ITPR1: variants seen among roughly 807,000 people sequenced by gnomAD.
ITPR1 encodes inositol 1,4,5-trisphosphate-gated calcium channel ITPR1.
In ITPR1, 96 loss-of-function variants were observed where a neutral mutation model predicts 318.4. The ratio of observed to expected loss-of-function variants is 0.30; its 90% CI spans 0.26 to 0.36. The LOEUF (loss-of-function observed/expected upper bound fraction) is 0.36, where lower values mean the gene tolerates loss of function less well. Ranked by LOEUF, ITPR1 falls within the 10% of genes least tolerant of loss-of-function variation. The probability of loss-of-function intolerance (pLI) is 1.00; values close to 1 mark genes in which losing one functional copy is unlikely to be tolerated. For synonymous variants in ITPR1, 1,312 were observed against 1,289.9 expected (o/e 1.02, Z -0.37); for missense variants, 2,440 against 3,460.2 (o/e 0.71, Z 7.40).
intron 60 of ITPR1, among the ~76,000 whole-genome samples, chr3:4,822,054 T>G (rs556111172): frequency 1.5e-4 from 23 of 152,312 alleles, no homozygotes; most frequent in Middle Eastern, 3.4e-3. Flanking sequence ...GGTGAGAGTT[T>G]CCGCTCTGTG....
At chr3:4,581,594 C>T (rs2089346924) in intron 4 of ITPR1, among the ~76,000 whole-genome samples, 1 of 152,192 alleles carries the variant, frequency 6.6e-6, no homozygotes, top group African/African-American at 2.4e-5. Context: ...TTATATGAAG[C>T]AAACATCTAT....
At chr3:4,572,735 A>C (rs1383657216) in intron 4 of ITPR1, among the ~76,000 whole-genome samples, 1 of 152,326 alleles carries the variant, frequency 6.6e-6, no homozygotes, top group South Asian at 2.1e-4. Flanking sequence ...TTAAACAGTA[A>C]GTCCCCTTTT....
At chr3:4,701,102 A>G (rs1479387145) in intron 35 of ITPR1, among the ~76,000 whole-genome samples, 2 of 152,200 alleles carry the variant, frequency 1.3e-5, no homozygotes, top group Non-Finnish European at 2.9e-5. Flanking sequence ...GATGGTTAGC[A>G]GGTGGCTACT....
chr3:4,692,044 C>T lies in ITPR1; in HGVS notation c.4029+700C>T, dbSNP rs534088414. Among the ~76,000 whole-genome samples, 3 of 151,670 alleles carry T rather than the reference C, an allele frequency of 2.0e-5. No homozygotes were observed. The South Asian group carries it at 6.2e-4, about 31-fold the overall frequency. On this transcript the variant is annotated intron_variant, in intron 32 of 61. Transcript: ENST00000649015. ...TGGCATGTGCCCATAATCCCAGTTACAGAGGAAGATCCCTTGAGCCCAGGA... is the reference window on the plus strand; with the variant it reads ...TGGCATGTGCCCATAATCCCAGTTATAGAGGAAGATCCCTTGAGCCCAGGA...
intron 52 of ITPR1, among the ~76,000 whole-genome samples, chr3:4,794,239 TTTG>T (rs1482132653): frequency 6.6e-6 from 1 of 152,136 alleles, no homozygotes; most frequent in Non-Finnish European, 1.5e-5. Context: ...TAACCAAGTG[TTTG>T]TTGTTCTAAG....
chr3:4,834,476 C>T (rs536906745), intron 60 of ITPR1, among the ~76,000 whole-genome samples: 45 of 152,278 alleles, frequency 3.0e-4, no homozygotes, highest in African/African-American at 1.0e-3. Context: ...TAAGTGATCT[C>T]TCTGCAGCTG....
In ITPR1 at chr3:4,795,034, G is replaced by C. The variant is rs768251438; in HGVS notation, c.6809-31G>C. 1.9e-6 allele frequency: 3 copies of C among 1,575,910 alleles called. No individual in the cohort carries two copies. In the South Asian group the frequency reaches 3.5e-5, roughly 18 times the overall value. ...CTGGCGTTCCGGCTTGGGGTCTCCA[G>C]CCTCACGCGGCTTTGCCTTTGTCTC... On this transcript the variant is annotated intron_variant, in intron 52 of 61. Transcript: ENST00000649015.
intron 17 of ITPR1, 37 bp from the exon 18 acceptor site, chr3:4,667,340 T>C: frequency 6.6e-7 from 1 of 1,513,172 alleles, no homozygotes; most frequent in Non-Finnish European, 9.0e-7. Context: ...TTGTCATTTA[T>C]CCTTCCTACT....
intron 46 of ITPR1, 38 bp downstream of exon 46, chr3:4,768,802 GA>G: frequency 1.3e-6 from 2 of 1,579,682 alleles, no homozygotes; most frequent in Non-Finnish European, 1.7e-6. Context: ...GGGAGCTCGG[GA>G]AAGGCTGCCA....
At chr3:4,775,126 T>C (rs1193622125) in intron 46 of ITPR1, 116 bp from the exon 47 acceptor site, 1 of 783,604 alleles carries the variant, frequency 1.3e-6, no homozygotes, top group East Asian at 2.4e-5. Flanking sequence ...CTCTCCCACG[T>C]GGCATCTCTC....
intron 39 of ITPR1, among the ~76,000 whole-genome samples, chr3:4,715,074 C>G (rs891871412): frequency 1.3e-5 from 2 of 152,226 alleles, no homozygotes; most frequent in African/African-American, 4.8e-5. Flanking sequence ...TTGTCATTAA[C>G]TATTTTATAC....
At chr3:4,800,299 G>T (rs2048144591) in intron 53 of ITPR1, 126 bp from the exon 54 acceptor site, 1 of 839,758 alleles carries the variant, frequency 1.2e-6, no homozygotes, top group African/African-American at 1.7e-5. Context: ...GAGAATTTGA[G>T]GTGAGAGTTG....
intron 12 of ITPR1, among the ~76,000 whole-genome samples, chr3:4,655,143 C>T (rs988221810): frequency 9.9e-5 from 15 of 152,146 alleles, no homozygotes; most frequent in East Asian, 1.9e-4. Context: ...CTGGGAGGGA[C>T]GTCATGTTTC....
intron 44 of ITPR1, among the ~76,000 whole-genome samples, chr3:4,738,217 A>T (rs2043421067): frequency 6.6e-6 from 1 of 152,240 alleles, no homozygotes; most frequent in Non-Finnish European, 1.5e-5. Flanking sequence ...ATAAAAGTTT[A>T]AAAAAGAAAA....
chr3:4,774,709 TTCCTTTAA>T (rs1316784443), intron 46 of ITPR1, among the ~76,000 whole-genome samples: 3 of 152,226 alleles, frequency 2.0e-5, no homozygotes, highest in Non-Finnish European at 2.9e-5. Flanking sequence ...CTGTCACTCC[TTCCTTTAA>T]TCGTGGAAAT....
intron 40 of ITPR1, among the ~76,000 whole-genome samples, chr3:4,721,894 A>G (rs1292387235): frequency 6.6e-6 from 1 of 152,232 alleles, no homozygotes; most frequent in Non-Finnish European, 1.5e-5. Flanking sequence ...CACCAGAAAT[A>G]GTCACCTTAG....
chr3:4,636,707 G>A (rs1049738475), intron 5 of ITPR1, among the ~76,000 whole-genome samples: 1 of 152,244 alleles, frequency 6.6e-6, no homozygotes, highest in African/African-American at 2.4e-5. Context: ...GGGATTACAG[G>A]CATGAGCCAC....
intron 5 of ITPR1, among the ~76,000 whole-genome samples, chr3:4,632,337 C>T (rs1489065201): frequency 6.6e-6 from 1 of 152,166 alleles, no homozygotes; most frequent in East Asian, 1.9e-4. Flanking sequence ...CAACTCTTTC[C>T]TCTCCTATAC....
At chr3:4,792,389 G>T (rs770727564) in intron 52 of ITPR1, among the ~76,000 whole-genome samples, 5 of 152,334 alleles carry the variant, frequency 3.3e-5, no homozygotes, top group Non-Finnish European at 5.9e-5. Context: ...ATAACAAATT[G>T]CCCCAACATG....
Sources: gnomAD v4.1 joint callset for allele counts (sites outside exome capture counted in the v4.1 genomes callset) on GRCh38, gnomAD v4.1.1 for gene constraint, MANE v1.5 for transcripts, NCBI Gene and HGNC (gene_info 2026-07-23, HGNC 2026-07-21) for gene names.